The following CNTNAP5 variants were observed in gnomAD, a reference collection of about 807,000 sequenced individuals.
CNTNAP5 encodes the protein contactin associated protein family member 5.
CNTNAP5 carries 72 observed loss-of-function variants against 150.2 expected under a neutral mutation model. The ratio of observed to expected loss-of-function variants is 0.48; its 90% CI spans 0.40 to 0.58. CNTNAP5 has a LOEUF of 0.58. CNTNAP5 is among the 20% of genes least tolerant of loss of function. CNTNAP5 has a pLI of 0.00. For missense variants in CNTNAP5, 1,636 were observed against 1,626.2 expected, an observed-to-expected ratio of 1.01 and a Z score of -0.10; for synonymous variants, 672 against 619.8, an observed-to-expected ratio of 1.08 and a Z score of -1.25.
chr2:124,375,860 A>G (rs1690635530), intron 3 of CNTNAP5, among the ~76,000 whole-genome samples: 1 of 152,102 alleles, frequency 6.6e-6, no homozygotes, highest in Non-Finnish European at 1.5e-5. Flanking sequence ...GAAGAAATAT[A>G]CTACATAGTA....
At chr2:124,391,697 T>C (rs1691113419) in intron 3 of CNTNAP5, among the ~76,000 whole-genome samples, 1 of 152,224 alleles carries the variant, frequency 6.6e-6, no homozygotes, top group Non-Finnish European at 1.5e-5. Flanking sequence ...GGCTCACGCC[T>C]GTAATCCCAG....
chr2:124,051,671 C>T (rs373633983), intron 1 of CNTNAP5, among the ~76,000 whole-genome samples: 9 of 152,270 alleles, frequency 5.9e-5, no homozygotes, highest in African/African-American at 1.9e-4. Context: ...TTGATTCCAA[C>T]CCAGATAACC....
chr2:124,367,202 A>T (rs1690397514), intron 3 of CNTNAP5, among the ~76,000 whole-genome samples: 1 of 152,192 alleles, frequency 6.6e-6, no homozygotes, highest in African/African-American at 2.4e-5. Flanking sequence ...AACAGAGAGA[A>T]CAGTAACCAT....
chr2:124,662,205 C>T (rs916997605), intron 13 of CNTNAP5, among the ~76,000 whole-genome samples: 1 of 152,206 alleles, frequency 6.6e-6, no homozygotes, highest in Non-Finnish European at 1.5e-5. Context: ...ATATGTGCCA[C>T]ATTTTCTTTA....
intron 13 of CNTNAP5, among the ~76,000 whole-genome samples, chr2:124,687,119 A>G (rs1473955592): frequency 6.6e-6 from 1 of 152,046 alleles, no homozygotes; most frequent in South Asian, 2.1e-4. Context: ...TTAGTTGGGT[A>G]CCTGGGGCTA....
chr2:124,274,935 G>C (rs914062869), intron 3 of CNTNAP5, among the ~76,000 whole-genome samples: 1 of 152,140 alleles, frequency 6.6e-6, no homozygotes, highest in Non-Finnish European at 1.5e-5. Flanking sequence ...AGACATACCA[G>C]AGACTGGGAA....
At chr2:124,640,068 C>T (rs550012929) in intron 12 of CNTNAP5, among the ~76,000 whole-genome samples, 1 of 152,158 alleles carries the variant, frequency 6.6e-6, no homozygotes, top group South Asian at 2.1e-4. Context: ...TCATCCGACC[C>T]CTTTCCAGTC....
At chr2:124,590,650 G>T (rs530453483) in intron 11 of CNTNAP5, among the ~76,000 whole-genome samples, 1 of 152,212 alleles carries the variant, frequency 6.6e-6, no homozygotes, top group South Asian at 2.1e-4. Context: ...GATGTCCGTA[G>T]GCTGTGCATG....
intron 3 of CNTNAP5, among the ~76,000 whole-genome samples, chr2:124,309,609 G>A (rs548382982): frequency 1.3e-5 from 2 of 152,336 alleles, no homozygotes; most frequent in South Asian, 4.1e-4. Context: ...CAATGATGAT[G>A]TAAGGTCCCC....
At chr2:124,592,197 T>C (rs987533696) in intron 11 of CNTNAP5, among the ~76,000 whole-genome samples, 2 of 152,178 alleles carry the variant, frequency 1.3e-5, no homozygotes, top group African/African-American at 4.8e-5. Flanking sequence ...AAACATCTTT[T>C]TTCCCCCATT....
chr2:124,496,737 C>A (rs1459746282), intron 7 of CNTNAP5, among the ~76,000 whole-genome samples: 2 of 152,262 alleles, frequency 1.3e-5, no homozygotes, highest in East Asian at 3.9e-4. Flanking sequence ...TATTTCCTCT[C>A]AGGAATAATG....
chr2:124,424,247 T>C (rs1692189041), intron 4 of CNTNAP5, among the ~76,000 whole-genome samples: 1 of 152,188 alleles, frequency 6.6e-6, no homozygotes, highest in Non-Finnish European at 1.5e-5. Context: ...TCATTTGTCA[T>C]ACATGGTAGA....
chr2:124,515,552 GT>G (rs5834073), intron 8 of CNTNAP5, among the ~76,000 whole-genome samples: 75,944 of 151,604 alleles, frequency 0.5, 19,191 homozygotes, highest in Middle Eastern at 0.59. Flanking sequence ...CATTCATCAC[GT>G]TTTATATGCC....
intron 3 of CNTNAP5, among the ~76,000 whole-genome samples, chr2:124,279,509 C>G: frequency 6.6e-6 from 1 of 151,854 alleles, no homozygotes; most frequent in Admixed American, 6.6e-5. Flanking sequence ...TAAAGGCCCT[C>G]AAACTTCATT....
chr2:124,747,479 C>A, intron 14 of CNTNAP5, 94 bp downstream of exon 14: 1 of 1,433,510 alleles, frequency 7.0e-7, no homozygotes, highest in Non-Finnish European at 9.8e-7. Flanking sequence ...ATGAGAAATT[C>A]AATACAAACT....
Position 124,515,018 on chromosome 2 carries a change from C to T in CNTNAP5, c.1328-9285C>T, listed in dbSNP as rs141001519. The stretch of plus-strand genomic sequence containing the variant: ...ACACTTTCACCATCAACCACAAATG[C>T]ATCGTGAGTTCCTAACAGACCCTAG... On this transcript the variant is annotated intron_variant, in intron 8 of 23. Transcript: ENST00000682447. 3.0e-3 allele frequency among the ~76,000 whole-genome samples: 451 copies of T among 152,322 alleles called. 3 individuals are homozygous for T. Among genetic ancestry groups the T allele is most frequent in the African/African-American group, 0.01 (421 of 41,576 alleles).
intron 10 of CNTNAP5, among the ~76,000 whole-genome samples, chr2:124,561,412 G>A (rs1695889178): frequency 6.6e-6 from 1 of 152,114 alleles, no homozygotes; most frequent in Non-Finnish European, 1.5e-5. Context: ...GCATAGAGCA[G>A]GACAGGATCT....
chr2:124,378,007 G>T (rs145824779), intron 3 of CNTNAP5, among the ~76,000 whole-genome samples: 1,705 of 152,114 alleles, frequency 0.011, 11 homozygotes, highest in Non-Finnish European at 0.017. Flanking sequence ...TAATTTCTGG[G>T]AATGTTGTTT....
intron 3 of CNTNAP5, among the ~76,000 whole-genome samples, chr2:124,251,305 T>C (rs1165276073): frequency 6.7e-6 from 1 of 148,230 alleles, no homozygotes; most frequent in Non-Finnish European, 1.5e-5. Flanking sequence ...CCCCCAAGTA[T>C]TGGAAGTACA....
Sources: allele counts gnomAD v4.1 joint callset (sites outside exome capture counted in the v4.1 genomes callset), GRCh38; gene constraint gnomAD v4.1.1; transcripts MANE v1.5; gene names NCBI Gene and HGNC (gene_info 2026-07-23, HGNC 2026-07-21).